POLD3: variants seen among roughly 807,000 people sequenced by gnomAD.
POLD3 encodes DNA polymerase delta 3, accessory subunit.
A neutral mutation model predicts 58.2 loss-of-function variants in POLD3; 19 were observed. The ratio of observed to expected loss-of-function variants is 0.33; its 90% CI spans 0.23 to 0.48. The LOEUF is 0.48. Ranked by LOEUF, POLD3 falls within the 20% of genes least tolerant of loss-of-function variation. The pLI is 0.99. For synonymous variants in POLD3, 172 were observed against 193.5 expected (o/e 0.89, Z 0.92); for missense variants, 504 against 545.5 (o/e 0.92, Z 0.76).
chr11:74,656,249 G>A (rs942959330), intron 4 of POLD3, among the ~76,000 whole-genome samples: 3 of 152,112 alleles, frequency 2.0e-5, no homozygotes, highest in South Asian at 2.1e-4. Context: ...TGCTTTTGCT[G>A]TATCCCATAG....
At chr11:74,624,130 T>C (rs980037326) in intron 7 of POLD3, among the ~76,000 whole-genome samples, 13 of 149,472 alleles carry the variant, frequency 8.7e-5, no homozygotes, top group Admixed American at 7.9e-4. Flanking sequence ...ATTTATGTGA[T>C]AGATTGCAAA....
At chr11:74,655,669 A>G (rs1386815688) in intron 4 of POLD3, among the ~76,000 whole-genome samples, 2 of 152,202 alleles carry the variant, frequency 1.3e-5, no homozygotes, top group African/African-American at 4.8e-5. Flanking sequence ...AAAAAAAAAA[A>G]AAAGAACACT....
intron 3 of POLD3, among the ~76,000 whole-genome samples, chr11:74,606,262 C>T (rs1007147102): frequency 6.6e-6 from 1 of 152,198 alleles, no homozygotes; most frequent in African/African-American, 2.4e-5. Flanking sequence ...GTTAAACAGA[C>T]GTAACTCATT....
chr11:74,598,880 G>T (rs1040045600), intron 2 of POLD3, among the ~76,000 whole-genome samples: 6 of 152,074 alleles, frequency 3.9e-5, no homozygotes, highest in African/African-American at 1.4e-4. Context: ...CAAGAAGTGG[G>T]CTCTACTTCT....
intron 4 of POLD3, among the ~76,000 whole-genome samples, chr11:74,663,226 A>C (rs1244471312): frequency 6.6e-6 from 1 of 152,234 alleles, no homozygotes; most frequent in Non-Finnish European, 1.5e-5. Flanking sequence ...AGGGAAATTA[A>C]AGAAACTAAA....
At chr11:74,607,260 T>A (rs187311058) in intron 3 of POLD3, among the ~76,000 whole-genome samples, 17,964 of 143,236 alleles carry the variant, frequency 0.13, 1,429 homozygotes, top group African/African-American at 0.23. Flanking sequence ...ATTTATTTAT[T>A]TATTTATTTA....
At chr11:74,648,328 T>A (rs1472990191) in intron 4 of POLD3, among the ~76,000 whole-genome samples, 1 of 152,186 alleles carries the variant, frequency 6.6e-6, no homozygotes, top group Non-Finnish European at 1.5e-5. Context: ...GTGTTCTAGC[T>A]GGCCTGGGGA....
At chr11:74,596,223 G>A (rs1273555532) in intron 2 of POLD3, among the ~76,000 whole-genome samples, 8 of 143,398 alleles carry the variant, frequency 5.6e-5, no homozygotes, top group South Asian at 2.2e-4. Context: ...TTGCTCTGTC[G>A]CCCAGGCTGG....
chr11:74,645,409 C>A (rs982293872), downstream of POLD3, among the ~76,000 whole-genome samples: 1 of 152,160 alleles, frequency 6.6e-6, no homozygotes, highest in Non-Finnish European at 1.5e-5. Context: ...GCAGTTTATA[C>A]AATATAAAGT....
chr11:74,619,976 A>G, intron 6 of POLD3, 41 bp from the exon 7 acceptor site: 1 of 1,532,986 alleles, frequency 6.5e-7, no homozygotes, highest in African/African-American at 1.4e-5. Flanking sequence ...TGAACAGCCT[A>G]AATGCCAGCA....
intron 4 of POLD3, among the ~76,000 whole-genome samples, chr11:74,668,489 G>A (rs746708620): frequency 2.6e-5 from 4 of 152,156 alleles, no homozygotes; most frequent in Non-Finnish European, 4.4e-5. Context: ...TACATATCAC[G>A]TAGCAAGGGG....
intron 3 of POLD3, among the ~76,000 whole-genome samples, chr11:74,608,411 G>A (rs2031770338): frequency 6.6e-6 from 1 of 151,968 alleles, no homozygotes; most frequent in African/African-American, 2.4e-5. Context: ...ATGAACCACG[G>A]CACCTGGCCT....
At chr11:74,657,617 A>G (rs1341651244) in intron 4 of POLD3, among the ~76,000 whole-genome samples, 1 of 152,130 alleles carries the variant, frequency 6.6e-6, no homozygotes, top group Non-Finnish European at 1.5e-5. Flanking sequence ...ATGTCTTGAA[A>G]AGTTGTTGTA....
At chr11:74,600,956 T>G (rs2031474088) in intron 2 of POLD3, among the ~76,000 whole-genome samples, 1 of 152,034 alleles carries the variant, frequency 6.6e-6, no homozygotes, top group African/African-American at 2.4e-5. Flanking sequence ...CAACCTCAGG[T>G]GATCTGCCTG....
chr11:74,609,299 A>G (rs1360602954), intron 3 of POLD3, among the ~76,000 whole-genome samples: 3 of 141,320 alleles, frequency 2.1e-5, no homozygotes, highest in Non-Finnish European at 4.5e-5. Flanking sequence ...CCTTTCCCTT[A>G]GAGGTAACTG....
chr11:74,623,949 G>A (rs2032347227), intron 7 of POLD3, among the ~76,000 whole-genome samples: 1 of 152,200 alleles, frequency 6.6e-6, no homozygotes, highest in Non-Finnish European at 1.5e-5. Flanking sequence ...AACTCTGGAT[G>A]CTGAATCTAA....
At chr11:74,632,439 A>G (rs745328545) in intron 9 of POLD3, among the ~76,000 whole-genome samples, 10 of 152,204 alleles carry the variant, frequency 6.6e-5, no homozygotes, top group Non-Finnish European at 1.0e-4. Flanking sequence ...GTAAAAATGT[A>G]TTGAGTGGGG....
At chr11:74,612,844 G>A (rs2135139757) in intron 4 of POLD3, 34 bp from the exon 5 acceptor site, 4 of 1,590,900 alleles carry the variant, frequency 2.5e-6, no homozygotes, top group Non-Finnish European at 3.4e-6. Context: ...TGAAGTTTGT[G>A]TATTAACTGA....
chr11:74,659,733 C>G (rs924464512), intron 4 of POLD3, among the ~76,000 whole-genome samples: 5 of 152,210 alleles, frequency 3.3e-5, no homozygotes, highest in African/African-American at 1.2e-4. Context: ...CAGTTCCCAA[C>G]AAGTTCCTTA....
Sources: gnomAD v4.1 joint callset for allele counts (sites outside exome capture counted in the v4.1 genomes callset) on GRCh38, gnomAD v4.1.1 for gene constraint, MANE v1.5 for transcripts, NCBI Gene and HGNC (gene_info 2026-07-23, HGNC 2026-07-21) for gene names.